The following PRR5L variants were observed in gnomAD, a reference collection of about 807,000 sequenced individuals.
PRR5L encodes the protein proline-rich protein 5-like.
In PRR5L, 21 loss-of-function variants were observed where a neutral mutation model predicts 36.4. The ratio of observed to expected loss-of-function variants is 0.58; its 90% confidence interval spans 0.41 to 0.83. The LOEUF is 0.83. PRR5L is among the 40% of genes least tolerant of loss of function. The pLI is 0.00. For missense variants in PRR5L, 381 were observed against 473.3 expected, an observed-to-expected ratio of 0.80 and a Z score of 1.81; for synonymous variants, 188 against 197.0, an observed-to-expected ratio of 0.95 and a Z score of 0.38.
At chr11:36,349,279 C>CAAAA (rs56844732) in intron 1 of PRR5L, among the ~76,000 whole-genome samples, 30 of 106,530 alleles carry the variant, frequency 2.8e-4, no homozygotes, top group Non-Finnish European at 2.9e-4. Flanking sequence ...AAGACTCTGC[C>CAAAA]AAAAAAAAAA....
At chr11:36,310,004 A>ATGCT (rs1565377975) in intron 1 of PRR5L, among the ~76,000 whole-genome samples, 2 of 29,066 alleles carry the variant, frequency 6.9e-5, no homozygotes, top group African/African-American at 1.6e-4. Flanking sequence ...CACCACCATC[A>ATGCT]CTATTAGAGC....
At chr11:36,392,699 A>C (rs902113867) in intron 1 of PRR5L, among the ~76,000 whole-genome samples, 3 of 151,900 alleles carry the variant, frequency 2.0e-5, no homozygotes, top group Admixed American at 6.6e-5. Context: ...ATCATGGGGG[A>C]AGGCAAAGGG....
rs114409574 is a variant in PRR5L, at chr11:36,372,069, A to T, written c.-125-28928A>T. Among the ~76,000 whole-genome samples, 1,073 of 152,248 alleles carry T rather than the reference A, an allele frequency of 7.0e-3. 18 individuals carry two copies. Among genetic ancestry groups the T allele is most frequent in the African/African-American group, 0.025 (1,032 of 41,530 alleles). On this transcript the variant is annotated intron_variant, in intron 1 of 8. Coordinates refer to ENST00000530639, the MANE Select transcript of PRR5L (RefSeq NM_001160167.2). ...AGAGATTCCATCTCAAAAAAATAAAAAAAAATAATAATAAAATGAATAAAT... is the reference window on the plus strand; with the variant it reads ...AGAGATTCCATCTCAAAAAAATAAATAAAAATAATAATAAAATGAATAAAT...
intron 1 of PRR5L, among the ~76,000 whole-genome samples, chr11:36,369,984 T>C (rs550363942): frequency 7.6e-4 from 116 of 152,320 alleles, no homozygotes; most frequent in African/African-American, 2.6e-3. Context: ...GTGTCTTCCA[T>C]TGATGCAAAA....
At chr11:36,404,307 T>C (rs1311401653) in intron 3 of PRR5L, among the ~76,000 whole-genome samples, 3 of 150,040 alleles carry the variant, frequency 2.0e-5, no homozygotes, top group African/African-American at 7.4e-5. Flanking sequence ...AGTCTTGCTC[T>C]GTTACCCAGG....
intron 3 of PRR5L, among the ~76,000 whole-genome samples, chr11:36,413,917 G>A (rs1182182895): frequency 7.6e-6 from 1 of 130,752 alleles, no homozygotes; most frequent in Non-Finnish European, 1.5e-5. Context: ...CTGTGTCCAT[G>A]TGTTCTCATT....
intron 1 of PRR5L, among the ~76,000 whole-genome samples, chr11:36,337,855 A>G (rs1422031303): frequency 6.6e-6 from 1 of 152,266 alleles, no homozygotes; most frequent in Non-Finnish European, 1.5e-5. Context: ...AATGGCTTAT[A>G]TCACAAAGAA....
At chr11:36,395,139 G>T (rs373528038) in intron 1 of PRR5L, among the ~76,000 whole-genome samples, 4 of 152,266 alleles carry the variant, frequency 2.6e-5, no homozygotes, top group South Asian at 2.1e-4. Context: ...TCATCCCGAA[G>T]ACCCACAGAT....
intron 8 of PRR5L, among the ~76,000 whole-genome samples, chr11:36,457,893 T>C (rs1859098212): frequency 6.6e-6 from 1 of 152,212 alleles, no homozygotes; most frequent in South Asian, 2.1e-4. Context: ...GAGAAATGAA[T>C]TGTTCTCAAG....
At chr11:36,410,634 T>G (rs1858005506) in intron 3 of PRR5L, among the ~76,000 whole-genome samples, 1 of 152,184 alleles carries the variant, frequency 6.6e-6, no homozygotes, top group Non-Finnish European at 1.5e-5. Context: ...TCTTCGTCAG[T>G]TTCCTCCATG....
chr11:36,430,239 G>A (rs548042729), intron 4 of PRR5L, among the ~76,000 whole-genome samples: 18 of 152,064 alleles, frequency 1.2e-4, no homozygotes, highest in African/African-American at 2.4e-4. Context: ...GTGAAACCCC[G>A]TCTCTACCAA....
intron 1 of PRR5L, among the ~76,000 whole-genome samples, chr11:36,387,272 G>A (rs550240803): frequency 3.3e-5 from 5 of 152,308 alleles, no homozygotes; most frequent in African/African-American, 7.2e-5. Context: ...CTGTCGTGGA[G>A]TGTGGGGAGG....
chr11:36,356,638 A>T (rs577147359), intron 1 of PRR5L, among the ~76,000 whole-genome samples: 6 of 152,138 alleles, frequency 3.9e-5, no homozygotes, highest in African/African-American at 1.2e-4. Context: ...CTTTTTCATT[A>T]TTATTTTATC....
chr11:36,319,682 CTTTTT>C (rs10565468), intron 1 of PRR5L, among the ~76,000 whole-genome samples: 13 of 140,818 alleles, frequency 9.2e-5, no homozygotes, highest in Non-Finnish European at 1.1e-4. Flanking sequence ...ACTAAATTTC[CTTTTT>C]TTTTTTTTTT....
At chr11:36,424,120 G>A (rs1013115415) in intron 4 of PRR5L, among the ~76,000 whole-genome samples, 2 of 152,184 alleles carry the variant, frequency 1.3e-5, no homozygotes, top group Admixed American at 6.5e-5. Flanking sequence ...ATGACCACAG[G>A]TCTTAATATA....
chr11:36,451,710 ACCT>A (rs1049881106), intron 8 of PRR5L, among the ~76,000 whole-genome samples: 65 of 151,678 alleles, frequency 4.3e-4, no homozygotes, highest in African/African-American at 1.6e-3. Context: ...GAGTAGAGAA[ACCT>A]CCTGAGATAG....
chr11:36,411,370 C>T, intron 3 of PRR5L, among the ~76,000 whole-genome samples: 1 of 152,176 alleles, frequency 6.6e-6, no homozygotes, highest in Non-Finnish European at 1.5e-5. Context: ...TGTGTAATAA[C>T]AGGAAATCCT....
At chr11:36,373,578 G>A (rs769427076) in intron 1 of PRR5L, among the ~76,000 whole-genome samples, 5 of 149,040 alleles carry the variant, frequency 3.4e-5, no homozygotes, top group Non-Finnish European at 5.9e-5. Context: ...CAGCCTAGGC[G>A]AGAGAGCAAG....
At chr11:36,305,588 G>A (rs866378844) in intron 1 of PRR5L, among the ~76,000 whole-genome samples, 17 of 152,160 alleles carry the variant, frequency 1.1e-4, no homozygotes, top group South Asian at 8.3e-4. Context: ...TTTTGAAACC[G>A]AATTACTAAT....
Sources: allele counts gnomAD v4.1 joint callset (sites outside exome capture counted in the v4.1 genomes callset), GRCh38; gene constraint gnomAD v4.1.1; transcripts MANE v1.5; gene names NCBI Gene and HGNC (gene_info 2026-07-23, HGNC 2026-07-21).